The following ARHGAP12 variants were observed in gnomAD, a reference collection of about 807,000 sequenced individuals.
ARHGAP12 encodes Rho GTPase activating protein 12.
In ARHGAP12, 64 loss-of-function variants were observed where a neutral mutation model predicts 108.6. That is an observed-to-expected ratio of 0.59 (90% CI 0.48 to 0.73). The LOEUF is 0.73. Among genes scored for constraint, ARHGAP12 ranks in the 30% least tolerant of loss-of-function variants. ARHGAP12 has a pLI of 0.00. For missense variants in ARHGAP12, 940 were observed against 1,005.9 expected, an observed-to-expected ratio of 0.93 and a Z score of 0.89; for synonymous variants, 312 against 337.2, an observed-to-expected ratio of 0.93 and a Z score of 0.82.
At chr10:31,877,286 C>T (rs1013903644) in intron 3 of ARHGAP12, among the ~76,000 whole-genome samples, 1 of 152,224 alleles carries the variant, frequency 6.6e-6, no homozygotes, top group African/African-American at 2.4e-5. Flanking sequence ...TTTCAGTCTT[C>T]ATACTCTGTT....
intron 7 of ARHGAP12, among the ~76,000 whole-genome samples, chr10:31,840,564 A>G (rs1218293579): frequency 1.3e-5 from 2 of 152,096 alleles, no homozygotes; most frequent in Non-Finnish European, 2.9e-5. Flanking sequence ...ACCATTACCT[A>G]TTATTAATTT....
intron 1 of ARHGAP12, among the ~76,000 whole-genome samples, chr10:31,926,465 A>G (rs1281217427): frequency 2.6e-5 from 4 of 152,236 alleles, no homozygotes; most frequent in African/African-American, 4.8e-5. Context: ...TTCATACTAC[A>G]AAATAGTGCA....
In ARHGAP12 at chr10:31,831,935, G is replaced by A. The variant is rs369307828; in HGVS notation, c.1387-135C>T. The A allele has an allele frequency of 2.1e-5, 10 of 468,158 alleles. No homozygotes were observed. In the Admixed American group the frequency reaches 2.5e-4, roughly 12 times the overall value. 29.0% of individuals were successfully genotyped at this position (468,158 alleles called of 1,614,324 possible). A position where few individuals can be genotyped will look rare whatever the true frequency, so the allele number is the denominator to read the frequency against. On this transcript the variant is annotated intron_variant, in intron 9 of 19. Coordinates refer to ENST00000344936, the MANE Select transcript of ARHGAP12 (RefSeq NM_018287.7). ...AAAGATTAGTCAATGTGTAACATGC[G>A]TAGTTCTAGAATACATTAAGAATAT...
chr10:31,928,256 A>G (rs1472511530), intron 1 of ARHGAP12, among the ~76,000 whole-genome samples: 2 of 148,958 alleles, frequency 1.3e-5, no homozygotes, highest in Non-Finnish European at 3.0e-5. Flanking sequence ...ATAGACACGC[A>G]CACACCCGCC....
chr10:31,847,866 T>C (rs1412823083), intron 6 of ARHGAP12, among the ~76,000 whole-genome samples: 1 of 152,160 alleles, frequency 6.6e-6, no homozygotes, highest in Non-Finnish European at 1.5e-5. Flanking sequence ...AAGGATAGGC[T>C]TTTGTGGTGT....
At chr10:31,875,820 T>C (rs1437223801) in intron 3 of ARHGAP12, among the ~76,000 whole-genome samples, 2 of 152,164 alleles carry the variant, frequency 1.3e-5, no homozygotes, top group East Asian at 1.9e-4. Context: ...TGAAACTCCA[T>C]ACTCACTAAA....
intron 3 of ARHGAP12, among the ~76,000 whole-genome samples, chr10:31,879,940 T>C (rs1837873921): frequency 6.6e-6 from 1 of 152,178 alleles, no homozygotes; most frequent in Admixed American, 6.5e-5. Flanking sequence ...GAACATCCAG[T>C]TAAATCAAAT....
intron 3 of ARHGAP12, among the ~76,000 whole-genome samples, chr10:31,879,306 G>A (rs114696428): frequency 2.0e-4 from 31 of 152,238 alleles, no homozygotes; most frequent in African/African-American, 7.2e-4. Flanking sequence ...CAGCTACTTG[G>A]GAAGCTGAGG....
rs754275026 is a variant in ARHGAP12 at position 31,808,728 on chromosome 10, C to G, written c.2287G>C (p.Ala763Pro). The G allele has an allele frequency of 1.2e-6, 2 of 1,613,718 alleles. No individual in the cohort carries two copies. Among genetic ancestry groups the G allele is most frequent in the Non-Finnish European group, 1.7e-6 (2 of 1,179,722 alleles). Residue 763 changes from alanine to proline, a missense_variant, in exon 19 of 20, where the codon GCT (alanine) becomes CCT (proline). Coordinates refer to ENST00000344936, the MANE Select transcript of ARHGAP12 (RefSeq NM_018287.7). ...AIKQEPRQRV[A>P]AVKDLIRQLP... is the part of the protein sequence containing the mutation. ...TGTCTGATTAGGTCCTTAACAGCAG[C>G]GACTCGCTGTCTTGGTTCTTGCTCT...
intron 3 of ARHGAP12, among the ~76,000 whole-genome samples, chr10:31,907,863 T>G (rs1450727273): frequency 1.3e-5 from 2 of 152,180 alleles, no homozygotes; most frequent in African/African-American, 4.8e-5. Flanking sequence ...ATATCATCAC[T>G]GAGTAAATTA....
At chr10:31,852,685 A>C in intron 5 of ARHGAP12, 88 bp from the exon 6 acceptor site, 1 of 743,054 alleles carries the variant, frequency 1.3e-6, no homozygotes, top group Non-Finnish European at 2.2e-6. Context: ...TTTAATTCTT[A>C]TGAATTTTAT....
At chr10:31,859,799 C>CTTT (rs371109977) in intron 4 of ARHGAP12, among the ~76,000 whole-genome samples, 1 of 144,374 alleles carries the variant, frequency 6.9e-6, no homozygotes, top group Non-Finnish European at 1.5e-5. Context: ...TAAAATTTTC[C>CTTT]TTTTTTTTTT....
intron 3 of ARHGAP12, among the ~76,000 whole-genome samples, chr10:31,885,570 G>A (rs1233399709): frequency 6.6e-6 from 1 of 152,162 alleles, no homozygotes; most frequent in Admixed American, 6.5e-5. Context: ...TGTAATTCCA[G>A]CACTTTGGGA....
chr10:31,831,861 A>T (rs1835847078), intron 9 of ARHGAP12, 61 bp from the exon 10 acceptor site: 2 of 1,018,456 alleles, frequency 2.0e-6, no homozygotes, highest in Non-Finnish European at 1.4e-6. Context: ...AAGTTCTTAC[A>T]CATGACTGAA....
At chr10:31,827,558 G>A (rs1452425399) in intron 10 of ARHGAP12, among the ~76,000 whole-genome samples, 2 of 152,088 alleles carry the variant, frequency 1.3e-5, no homozygotes, top group African/African-American at 2.4e-5. Context: ...TTGGGAGGCC[G>A]AGACGGGTGG....
intron 8 of ARHGAP12, 63 bp from the exon 9 acceptor site, chr10:31,839,382 T>A (rs899792622): frequency 2.0e-6 from 3 of 1,484,370 alleles, no homozygotes; most frequent in Middle Eastern, 3.5e-4. Context: ...TATTTATTTT[T>A]AAAAACAAAT....
chr10:31,915,950 C>T (rs757689545), intron 1 of ARHGAP12, among the ~76,000 whole-genome samples: 55 of 152,170 alleles, frequency 3.6e-4, no homozygotes, highest in East Asian at 1.9e-4. Flanking sequence ...TTAAAACAAA[C>T]GTTTACAGTT....
At chr10:31,862,443 A>ATAAGG (rs1212301449) in intron 3 of ARHGAP12, among the ~76,000 whole-genome samples, 1 of 152,276 alleles carries the variant, frequency 6.6e-6, no homozygotes, top group Admixed American at 6.5e-5. Context: ...TACCCTTTGT[A>ATAAGG]TAAGGGCACT....
intron 3 of ARHGAP12, among the ~76,000 whole-genome samples, chr10:31,878,326 A>T (rs1464443875): frequency 6.6e-6 from 1 of 152,178 alleles, no homozygotes; most frequent in Non-Finnish European, 1.5e-5. Context: ...GTTTACACAG[A>T]TTTTCAACTT....
Sources: gnomAD v4.1 joint callset for allele counts (sites outside exome capture counted in the v4.1 genomes callset) on GRCh38, gnomAD v4.1.1 for gene constraint, MANE v1.5 for transcripts, NCBI Gene and HGNC (gene_info 2026-07-23, HGNC 2026-07-21) for gene names.